Variants in TRAPPC8 observed in about 807,000 individuals in gnomAD.
The protein encoded by TRAPPC8 is general sporulation gene 1 homolog.
In TRAPPC8, 54 loss-of-function variants were observed where a neutral mutation model predicts 174.3. That is an observed-to-expected ratio of 0.31 (90% CI 0.25 to 0.39). The LOEUF (loss-of-function observed/expected upper bound fraction) is 0.39, where lower values mean the gene tolerates loss of function less well. Among genes scored for constraint, TRAPPC8 ranks in the 10% least tolerant of loss-of-function variants. TRAPPC8 has a pLI of 1.00. For missense variants in TRAPPC8, 1,531 were observed against 1,699.1 expected (o/e 0.90, Z 1.74); for synonymous variants, 630 against 579.9 (o/e 1.09, Z -1.24).
At chr18:31,935,548 T>TGAAAAAAAAAAAAAAAAACAAAAAA (rs745488703) in intron 1 of TRAPPC8, among the ~76,000 whole-genome samples, 1 of 46,286 alleles carries the variant, frequency 2.2e-5, no homozygotes, top group Non-Finnish European at 3.5e-5. Flanking sequence ...AACTCCATCT[T>TGAAAAAAAAAAAAAAAAACAAAAAA]AAAAAAAAAA....
At chr18:31,844,549 C>T (rs569764087) in intron 26 of TRAPPC8, 25 of 151,966 alleles carry the variant, frequency 1.6e-4, no homozygotes, top group African/African-American at 4.8e-4. Context: ...CAAAAAAATA[C>T]AAGCTATTTA....
rs893323140 is a variant in TRAPPC8 at position 31,942,919 on chromosome 18, G to T, written c.-155C>A. 3 of 1,235,082 alleles carry T rather than the reference G, an allele frequency of 2.4e-6. No individual in the cohort carries two copies. In the African/African-American group the frequency reaches 4.7e-5, roughly 19 times the overall value. 76.5% of individuals were successfully genotyped at this position (1,235,082 alleles called of 1,614,324 possible). The stretch of plus-strand genomic sequence containing the variant: ...CTAGAAACAAGAAGGAACAGACGCC[G>T]CCGCTTCGGTTTCTGGGGCACAATC... On this transcript the variant is annotated 5_prime_UTR_variant, in exon 1 of 29. Coordinates refer to ENST00000283351, the MANE Select transcript of TRAPPC8 (RefSeq NM_014939.5).
chr18:31,856,648 C>T (rs1326188770), intron 20 of TRAPPC8, among the ~76,000 whole-genome samples: 1 of 152,214 alleles, frequency 6.6e-6, no homozygotes, highest in African/African-American at 2.4e-5. Context: ...TTCCTCTTTA[C>T]TTCTTTTACA....
chr18:31,892,920 G>A (rs186280649), intron 11 of TRAPPC8, among the ~76,000 whole-genome samples: 42 of 152,004 alleles, frequency 2.8e-4, no homozygotes, highest in Admixed American at 2.3e-3. Context: ...GGGAGGCTGA[G>A]GCAGGAGAAT....
intron 1 of TRAPPC8, among the ~76,000 whole-genome samples, chr18:31,933,127 C>T (rs2037925079): frequency 6.6e-6 from 1 of 151,794 alleles, no homozygotes; most frequent in Non-Finnish European, 1.5e-5. Context: ...CGGTGAAACC[C>T]TGTCTCTACT....
intron 1 of TRAPPC8, among the ~76,000 whole-genome samples, chr18:31,941,475 T>C (rs1210447475): frequency 6.6e-6 from 1 of 151,948 alleles, no homozygotes; most frequent in Non-Finnish European, 1.5e-5. Context: ...AACAAAAAAA[T>C]AAAAAACGTA....
At chr18:31,923,031 C>CAA (rs2037457021) in intron 2 of TRAPPC8, among the ~76,000 whole-genome samples, 1 of 152,006 alleles carries the variant, frequency 6.6e-6, no homozygotes. Flanking sequence ...CAAAACAAAA[C>CAA]AAAAACATGC....
chr18:31,874,280 T>C, intron 13 of TRAPPC8, 200 bp downstream of exon 13: 1 of 546,238 alleles, frequency 1.8e-6, no homozygotes, highest in Admixed American at 3.4e-5. Context: ...CATTGTAATA[T>C]TAAAATTCTC....
At chr18:31,876,486 T>C (rs1242861658) in intron 12 of TRAPPC8, among the ~76,000 whole-genome samples, 1 of 37,872 alleles carries the variant, frequency 2.6e-5, no homozygotes, top group East Asian at 4.1e-4. Flanking sequence ...CGAGACTCCA[T>C]CTCAAAAAAA....
chr18:31,907,720 G>T, intron 8 of TRAPPC8, 110 bp from the exon 9 acceptor site: 1 of 936,274 alleles, frequency 1.1e-6, no homozygotes, highest in Non-Finnish European at 1.4e-6. Context: ...GAAAACTAAT[G>T]CTGTTTCAAA....
In TRAPPC8 at chr18:31,853,921, G is replaced by A; in HGVS notation, c.3361C>T (p.His1121Tyr). 2 of 1,610,416 alleles carry A rather than the reference G, an allele frequency of 1.2e-6. No individual in the cohort carries two copies. Among genetic ancestry groups the A allele is most frequent in the Non-Finnish European group, 1.7e-6 (2 of 1,179,238 alleles). ...CTACTACTTGATACTTGCACTATGTGGAATTCCTTAACGCCTGCTTCACTC... is the reference window on the plus strand; with the variant it reads ...CTACTACTTGATACTTGCACTATGTAGAATTCCTTAACGCCTGCTTCACTC... ...NTSEAGVKEF[H>Y]IVQVSSSSKH... The change falls in exon 22 of 29, where the codon CAC becomes TAC. Residue 1121 changes from histidine (H) to tyrosine (Y), a missense_variant. His to Tyr is a moderately conservative substitution (Grantham distance 83, BLOSUM62 2). Coordinates refer to ENST00000283351, the MANE Select transcript of TRAPPC8 (RefSeq NM_014939.5).
intron 1 of TRAPPC8, among the ~76,000 whole-genome samples, chr18:31,937,168 G>C (rs979288617): frequency 6.6e-6 from 1 of 152,112 alleles, no homozygotes; most frequent in Admixed American, 6.6e-5. Flanking sequence ...GAGCTGAGAC[G>C]CACCACTGCA....
At chr18:31,937,240 G>T (rs1345814092) in intron 1 of TRAPPC8, among the ~76,000 whole-genome samples, 1 of 151,950 alleles carries the variant, frequency 6.6e-6, no homozygotes, top group Non-Finnish European at 1.5e-5. Flanking sequence ...GAAAAGGAAA[G>T]AAATTTAAGG....
intron 10 of TRAPPC8, among the ~76,000 whole-genome samples, chr18:31,898,116 A>C (rs1159014631): frequency 6.6e-6 from 1 of 152,106 alleles, no homozygotes; most frequent in Non-Finnish European, 1.5e-5. Flanking sequence ...TAATTTAAAT[A>C]ATCTCTATAT....
intron 26 of TRAPPC8, chr18:31,845,243 A>T (rs2033337342): frequency 6.6e-6 from 1 of 151,964 alleles, no homozygotes; most frequent in African/African-American, 2.4e-5. Flanking sequence ...CAAAAATGTC[A>T]ATGTCATGAT....
At chr18:31,876,913 G>A (rs2035183101) in intron 12 of TRAPPC8, among the ~76,000 whole-genome samples, 1 of 152,168 alleles carries the variant, frequency 6.6e-6, no homozygotes, top group African/African-American at 2.4e-5. Flanking sequence ...TGAGACAGGA[G>A]ATACCACTGC....
At chr18:31,867,803 C>T (rs911625730) in intron 16 of TRAPPC8, among the ~76,000 whole-genome samples, 1 of 152,010 alleles carries the variant, frequency 6.6e-6, no homozygotes, top group Admixed American at 6.6e-5. Flanking sequence ...CGCTTGAACC[C>T]GGGAGGTGGA....
In TRAPPC8 at chr18:31,890,745, T is replaced by C; in HGVS notation, c.1718A>G (p.Lys573Arg). Residue 573 changes from lysine (K) to arginine (R), a missense_variant, in exon 12 of 29, where the codon AAA becomes AGA. By Grantham distance (26) the Lys-to-Arg change is conservative (BLOSUM62 2). Coordinates refer to ENST00000283351, the MANE Select transcript of TRAPPC8 (RefSeq NM_014939.5). ...AGCAAATGCACTCACCTGCCCTGCTTTACTAAATCGATGGCCTGCCAATAT... is the reference window on the plus strand; with the variant it reads ...AGCAAATGCACTCACCTGCCCTGCTCTACTAAATCGATGGCCTGCCAATAT... ...HMILAGHRFS[K>R]AGQKKHALRC... The C allele has an allele frequency of 2.5e-6, 4 of 1,611,046 alleles. No individual in the cohort carries two copies. The highest frequency in any genetic ancestry group is 2.5e-6 in the Non-Finnish European group (3 of 1,178,398).
At chr18:31,837,453 T>G (rs373246933) in intron 27 of TRAPPC8, among the ~76,000 whole-genome samples, 2 of 152,166 alleles carry the variant, frequency 1.3e-5, no homozygotes, top group Admixed American at 6.5e-5. Context: ...TCCCAGCACT[T>G]TGGGAGGCCG....
Sources: gnomAD v4.1 joint callset for allele counts (sites outside exome capture counted in the v4.1 genomes callset) on GRCh38, gnomAD v4.1.1 for gene constraint, MANE v1.5 for transcripts, NCBI Gene and HGNC (gene_info 2026-07-23, HGNC 2026-07-21) for gene names.